MMP17: variants seen among roughly 807,000 people sequenced by gnomAD.
The protein encoded by MMP17 is matrix metalloproteinase-17.
MMP17 carries 54 observed loss-of-function variants against 49.1 expected under a neutral mutation model. The observed-to-expected ratio is 1.10, with a 90% CI of 0.88 to 1.38. The LOEUF is 1.38. MMP17 is among the 40% of genes most tolerant of loss of function. MMP17 has a pLI of 0.00. For missense variants in MMP17, 837 were observed against 853.7 expected (o/e 0.98, Z 0.24); for synonymous variants, 397 against 383.1 (o/e 1.04, Z -0.42).
At chr12:131,840,421 A>C in intron 3 of MMP17, 152 bp from the exon 4 acceptor site, 1 of 766,136 alleles carries the variant, frequency 1.3e-6, no homozygotes, top group Non-Finnish European at 2.1e-6. Context: ...CCGTGAGTGC[A>C]TCGGATGACT....
chr12:131,838,062 C>G, intron 1 of MMP17, 133 bp from the exon 2 acceptor site: 1 of 1,160,814 alleles, frequency 8.6e-7, no homozygotes, highest in Non-Finnish European at 1.2e-6. Flanking sequence ...AGGGAAGAGA[C>G]AAGAGGTGCC....
At chr12:131,830,446 CCCGGCCTGGCGTGGAGCCT>C (rs1249936530) in intron 1 of MMP17, among the ~76,000 whole-genome samples, 1 of 152,364 alleles carries the variant, frequency 6.6e-6, no homozygotes, top group African/African-American at 2.4e-5. Context: ...CCGTGTCGGG[CCCGGCCTGGCGTGGAGCCT>C]CCGTCCTGCC....
chr12:131,829,250 C>G (rs1348018200), intron 1 of MMP17, among the ~76,000 whole-genome samples: 1 of 152,218 alleles, frequency 6.6e-6, no homozygotes, highest in African/African-American at 2.4e-5. Context: ...CAGGCTGGCC[C>G]TGCCTTGCCC....
chr12:131,843,761 C>T (rs184682767), intron 5 of MMP17, among the ~76,000 whole-genome samples: 2 of 152,326 alleles, frequency 1.3e-5, no homozygotes, highest in East Asian at 3.9e-4. Context: ...GGGTGTACCC[C>T]GGGGTGGAAT....
intron 1 of MMP17, among the ~76,000 whole-genome samples, chr12:131,830,182 A>G (rs1886718632): frequency 6.6e-6 from 1 of 152,148 alleles, no homozygotes; most frequent in Non-Finnish European, 1.5e-5. Flanking sequence ...GGCTGATCAG[A>G]CCCAGTGCGG....
At chr12:131,834,434 G>A (rs1318715794) in intron 1 of MMP17, among the ~76,000 whole-genome samples, 1 of 152,208 alleles carries the variant, frequency 6.6e-6, no homozygotes, top group Admixed American at 6.5e-5. Flanking sequence ...CGGCGGGTGG[G>A]CGTGGAGGGG....
In MMP17 at chr12:131,851,090, G is replaced by A. The variant is rs746658451; in HGVS notation, c.1628G>A (p.Arg543His). ...GGCGTGGACGCGGCAGAGGGGCCCC[G>A]CGCCCCTCCAGGACAACATGACCAG... is the stretch of plus-strand genomic sequence containing the variant. ...AAGVDAAEGP[R>H]APPGQHDQSR... Residue 543 changes from arginine to histidine, a missense_variant, in exon 10 of 10, where the codon CGC becomes CAC. Arg to His is a conservative substitution (Grantham distance 29). Transcript: ENST00000360564. 1.3e-5 allele frequency: 21 copies of A among 1,602,626 alleles called. No homozygotes were observed. The highest frequency in any genetic ancestry group is 5.4e-5 in the African/African-American group (4 of 74,462).
At chr12:131,831,827 C>CT (rs1886816282) in intron 1 of MMP17, among the ~76,000 whole-genome samples, 7 of 41,070 alleles carry the variant, frequency 1.7e-4, no homozygotes, top group Admixed American at 3.1e-4. Flanking sequence ...TGGAGAGGAT[C>CT]TGGGGGGGGA....
At chr12:131,848,254 T>C (rs143449507) in intron 8 of MMP17, among the ~76,000 whole-genome samples, 6 of 151,860 alleles carry the variant, frequency 4.0e-5, no homozygotes, top group African/African-American at 1.4e-4. Flanking sequence ...CCTGGCAAAT[T>C]TTTTGTATTT....
In MMP17 at chr12:131,838,201, C is replaced by G. The variant is rs748146087; in HGVS notation, c.166C>G (p.Leu56Val). ...CCCTGCTCTCTGCCCTCAGGAGTGG[C>G]TAAGCAGGTTCGGTTACCTGCCCCC... is the stretch of plus-strand genomic sequence containing the variant. Reference protein sequence around the residue: ...AEDLSLGVEWLSRFGYLPPAD... With the variant: ...AEDLSLGVEWVSRFGYLPPAD... The change falls in exon 2 of 10, where the codon CTA becomes GTA. Residue 56 changes from leucine to valine, a missense_variant. By Grantham distance (32) the Leu-to-Val change is conservative. Transcript: ENST00000360564. 1 of 1,612,444 alleles carries G rather than the reference C, an allele frequency of 6.2e-7. No homozygotes were observed. The highest frequency in any genetic ancestry group is 1.3e-5 in the African/African-American group (1 of 74,926).
At chr12:131,844,361 T>C in intron 6 of MMP17, 1 of 481,200 alleles carries the variant, frequency 2.1e-6, no homozygotes. Context: ...GCTTGAGGAA[T>C]GTTTCATCAA....
rs181743695 is a variant in MMP17, at chr12:131,848,122, A to G, written c.1205-1680A>G. Reference sequence around the variant, plus strand: ...TTTTTTTGAGACAGAGTCTCACTCTATCACCCAGGCTGCAGTGCAGTGGTG... The same window carrying G: ...TTTTTTTGAGACAGAGTCTCACTCTGTCACCCAGGCTGCAGTGCAGTGGTG... On this transcript the variant is annotated intron_variant, in intron 8 of 9. Transcript: ENST00000360564. 9.2e-5 allele frequency among the ~76,000 whole-genome samples: 14 copies of G among 152,172 alleles called. No homozygotes were observed. In the East Asian group the frequency reaches 9.7e-4, roughly 10 times the overall value.
At chr12:131,840,881 C>A in intron 4 of MMP17, 25 bp downstream of exon 4, 1 of 1,557,230 alleles carries the variant, frequency 6.4e-7, no homozygotes. Context: ...GCCCTCAGGG[C>A]AGAGTCAGGA....
intron 3 of MMP17, among the ~76,000 whole-genome samples, 158 bp downstream of exon 3, chr12:131,838,899 C>T (rs1408391666): frequency 2.0e-5 from 3 of 151,694 alleles, no homozygotes; most frequent in East Asian, 1.9e-4. Flanking sequence ...ACAGGGTCTC[C>T]GTGGAGGTGG....
rs776854287 is a variant in MMP17 at position 131,828,527 on chromosome 12, G to T, written c.33G>T (p.Pro11=). 3.8e-5 allele frequency: 38 copies of T among 996,896 alleles called. 1 individual carries two copies. Among genetic ancestry groups the T allele is most frequent in the Non-Finnish European group, 1.2e-5 (10 of 839,830 alleles). 61.8% of individuals were successfully genotyped at this position (996,896 alleles called of 1,614,324 possible). Residue 11 remains proline, a synonymous_variant, in exon 1 of 10, where the codon CCG becomes CCT. Coordinates refer to ENST00000360564, the MANE Select transcript of MMP17 (RefSeq NM_016155.7). ...GCCGCGCAGCCCGGGGACCCGGCCCGCCGCCCCCAGGGCCCGGACTCTCGC... is the reference window on the plus strand; with the variant it reads ...GCCGCGCAGCCCGGGGACCCGGCCCTCCGCCCCCAGGGCCCGGACTCTCGC... The part of the protein sequence containing the change: MRRRAARGPG[P]PPPGPGLSRL...
chr12:131,844,636 A>G (rs1299218319), intron 6 of MMP17: 3 of 222,082 alleles, frequency 1.4e-5, no homozygotes, highest in East Asian at 2.5e-4. Context: ...ACAGGACCGT[A>G]CGTGTAACCC....
At chr12:131,847,235 A>C (rs1041845003) in intron 8 of MMP17, among the ~76,000 whole-genome samples, 2 of 151,882 alleles carry the variant, frequency 1.3e-5, no homozygotes, top group African/African-American at 4.8e-5. Context: ...ACACGGTGAA[A>C]CCCCGTCTCT....
chr12:131,842,384 G>A (rs148901689), intron 5 of MMP17, among the ~76,000 whole-genome samples: 4 of 152,158 alleles, frequency 2.6e-5, no homozygotes, highest in East Asian at 3.9e-4. Flanking sequence ...TGCCCCTGCC[G>A]CCCGGACCCT....
At chr12:131,828,928 AG>A (rs1304009483) in intron 1 of MMP17, among the ~76,000 whole-genome samples, 1 of 151,674 alleles carries the variant, frequency 6.6e-6, no homozygotes, top group East Asian at 1.9e-4. Context: ...TGGAGTTGTG[AG>A]GGGGTCGCCC....
Sources: gnomAD v4.1 joint callset for allele counts (sites outside exome capture counted in the v4.1 genomes callset) on GRCh38, gnomAD v4.1.1 for gene constraint, MANE v1.5 for transcripts, NCBI Gene and HGNC (gene_info 2026-07-23, HGNC 2026-07-21) for gene names.